FSHR: variants seen among roughly 807,000 people sequenced by gnomAD.
The protein encoded by FSHR is follicle stimulating hormone receptor.
In FSHR, 46 loss-of-function variants were observed where a neutral mutation model predicts 52.1. The ratio of observed to expected loss-of-function variants is 0.88; its 90% confidence interval spans 0.70 to 1.13. The LOEUF is 1.13. Among genes scored for constraint, FSHR ranks in the 50% most tolerant of loss-of-function variants. FSHR has a pLI of 0.00. For missense variants in FSHR, 964 were observed against 834.6 expected (o/e 1.16, Z -1.91); for synonymous variants, 399 against 309.6 (o/e 1.29, Z -3.03).
chr2:48,992,170 T>C (rs1030481627), intron 4 of FSHR, among the ~76,000 whole-genome samples: 16 of 152,182 alleles, frequency 1.1e-4, no homozygotes, highest in African/African-American at 3.1e-4. Context: ...ATTTGTTGTG[T>C]TGTTAATGCG....
In FSHR at chr2:49,154,451, A is replaced by C. The variant is rs768434973; in HGVS notation, c.-34T>G. The C allele has an allele frequency of 1.2e-6, 2 of 1,610,440 alleles. No homozygotes were observed. The highest frequency in any genetic ancestry group is 3.3e-5 in the Admixed American group (2 of 59,928). On this transcript the variant is annotated 5_prime_UTR_variant, in exon 1 of 10. It removes an upstream start codon present in the reference 5' UTR. Transcript: ENST00000406846. ...ATCCATCCACCTGATTTCTTCCTGC[A>C]TTTGCAGAGAAAAACCTCCACAGAT... is the stretch of plus-strand genomic sequence containing the variant.
chr2:49,074,250 A>G (rs1177063144), intron 1 of FSHR, among the ~76,000 whole-genome samples: 1 of 152,072 alleles, frequency 6.6e-6, no homozygotes, highest in Non-Finnish European at 1.5e-5. Flanking sequence ...TGAAAAGATA[A>G]CCTATAGAAT....
intron 1 of FSHR, among the ~76,000 whole-genome samples, chr2:49,074,710 G>C (rs1669881810): frequency 6.6e-6 from 1 of 152,026 alleles, no homozygotes; most frequent in Non-Finnish European, 1.5e-5. Context: ...ATATCAAAGA[G>C]ACATCTACAC....
chr2:48,996,913 G>T (rs1054432374), intron 4 of FSHR, among the ~76,000 whole-genome samples: 1 of 152,082 alleles, frequency 6.6e-6, no homozygotes, highest in African/African-American at 2.4e-5. Flanking sequence ...TACTTTATGA[G>T]GCTTGCTAAT....
intron 2 of FSHR, among the ~76,000 whole-genome samples, chr2:49,066,750 G>A (rs1042346036): frequency 1.3e-5 from 2 of 152,074 alleles, no homozygotes; most frequent in Non-Finnish European, 2.9e-5. Context: ...CCAATGAGGG[G>A]TCATTCACAC....
At chr2:49,140,865 T>A (rs1160587677) in intron 1 of FSHR, among the ~76,000 whole-genome samples, 1 of 152,180 alleles carries the variant, frequency 6.6e-6, no homozygotes, top group Non-Finnish European at 1.5e-5. Flanking sequence ...GAGGAGCATT[T>A]AGGGAGCATT....
intron 1 of FSHR, among the ~76,000 whole-genome samples, chr2:49,106,631 C>T (rs1156566538): frequency 6.6e-6 from 1 of 152,194 alleles, no homozygotes; most frequent in Non-Finnish European, 1.5e-5. Flanking sequence ...ACTGCAGGCT[C>T]ATGAGCATGG....
intron 2 of FSHR, among the ~76,000 whole-genome samples, chr2:49,064,958 A>G (rs980787641): frequency 6.6e-6 from 1 of 152,292 alleles, no homozygotes; most frequent in Admixed American, 6.5e-5. Flanking sequence ...CAGCATCTAC[A>G]TAAGAACAGT....
At position 48,973,684 on chromosome 2, in the gene FSHR, G is replaced by A. The variant is rs143431431; in HGVS notation, c.669-4801C>T. On this transcript the variant is annotated intron_variant, in intron 8 of 9. Coordinates refer to ENST00000406846, the MANE Select transcript of FSHR (RefSeq NM_000145.4). ...CTCTCCTTGAAGGTATAAGGCTCTC[G>A]CATTCTCAGCGGTGCCTTTCATGTA... Among the ~76,000 whole-genome samples the A allele has an allele frequency of 1.6e-3, 241 of 152,304 alleles. 1 individual carries two copies. Among genetic ancestry groups the A allele is most frequent in the Middle Eastern group, 3.4e-3 (1 of 294 alleles).
intron 1 of FSHR, among the ~76,000 whole-genome samples, chr2:49,146,572 G>C (rs930402725): frequency 2.6e-5 from 4 of 151,940 alleles, no homozygotes; most frequent in Non-Finnish European, 5.9e-5. Flanking sequence ...TTCAGCCCAA[G>C]GGAAACATGC....
chr2:48,985,463 T>C (rs917762065), intron 6 of FSHR, among the ~76,000 whole-genome samples: 11 of 152,128 alleles, frequency 7.2e-5, no homozygotes, highest in Admixed American at 6.5e-4. Flanking sequence ...ATTATTCTCC[T>C]GGCTGGCCAT....
chr2:48,998,198 A>G (rs1193963507), intron 4 of FSHR, among the ~76,000 whole-genome samples: 1 of 152,070 alleles, frequency 6.6e-6, no homozygotes, highest in African/African-American at 2.4e-5. Context: ...TGTCAGAAAT[A>G]ATGGTACAAA....
intron 1 of FSHR, among the ~76,000 whole-genome samples, chr2:49,152,706 G>A (rs1340652271): frequency 1.3e-5 from 2 of 152,120 alleles, no homozygotes; most frequent in Admixed American, 1.3e-4. Flanking sequence ...TGGAAACATT[G>A]GAAAAAGTGG....
intron 2 of FSHR, among the ~76,000 whole-genome samples, chr2:49,050,528 G>A (rs896337429): frequency 3.3e-5 from 5 of 152,190 alleles, no homozygotes; most frequent in East Asian, 3.9e-4. Flanking sequence ...AGGAACATGT[G>A]GGAAAATGGT....
chr2:48,967,662 C>T (rs1315022742), intron 9 of FSHR, among the ~76,000 whole-genome samples: 2 of 152,168 alleles, frequency 1.3e-5, no homozygotes, highest in East Asian at 3.8e-4. Context: ...TCTACAAATC[C>T]TCCAAAAGGG....
intron 4 of FSHR, among the ~76,000 whole-genome samples, chr2:48,998,293 GA>G (rs906462997): frequency 4.7e-5 from 7 of 150,402 alleles, no homozygotes; most frequent in South Asian, 4.2e-4. Context: ...AACAGGATTT[GA>G]AAAAAAAATC....
intron 1 of FSHR, among the ~76,000 whole-genome samples, chr2:49,068,947 T>G (rs1298217811): frequency 6.6e-6 from 1 of 152,130 alleles, no homozygotes; most frequent in Non-Finnish European, 1.5e-5. Context: ...CCTTCTTTCC[T>G]GGATTCTGCT....
At chr2:49,101,515 G>T (rs2103725698) in intron 1 of FSHR, among the ~76,000 whole-genome samples, 1 of 152,110 alleles carries the variant, frequency 6.6e-6, no homozygotes. Flanking sequence ...AAGAGAGAAA[G>T]ATTATGTCAA....
chr2:49,030,704 C>T (rs374351542), intron 2 of FSHR, among the ~76,000 whole-genome samples: 1 of 152,152 alleles, frequency 6.6e-6, no homozygotes, highest in South Asian at 2.1e-4. Context: ...CCATCCTGCC[C>T]TTTGCAACAA....
Sources: gnomAD v4.1 joint callset for allele counts (sites outside exome capture counted in the v4.1 genomes callset) on GRCh38, gnomAD v4.1.1 for gene constraint, MANE v1.5 for transcripts, NCBI Gene and HGNC (gene_info 2026-07-23, HGNC 2026-07-21) for gene names.